BNC2: variants seen among roughly 807,000 people sequenced by gnomAD.
BNC2 encodes the protein zinc finger protein basonuclin-2.
Under a neutral mutation model 76.3 loss-of-function variants are expected in BNC2, and 20 were observed. That is an observed-to-expected ratio of 0.26 (90% CI 0.18 to 0.38). The LOEUF is 0.38. BNC2 is among the 10% of genes least tolerant of loss of function. BNC2 has a pLI of 1.00. For missense variants in BNC2, 1,382 were observed against 1,399.8 expected, an observed-to-expected ratio of 0.99 and a Z score of 0.20; for synonymous variants, 582 against 514.8, an observed-to-expected ratio of 1.13 and a Z score of -1.77.
At chr9:16,728,346 C>A in intron 2 of BNC2, 1 of 393,102 alleles carries the variant, frequency 2.5e-6, no homozygotes, top group Non-Finnish European at 4.8e-6. Flanking sequence ...TGACACCCTG[C>A]ACTAACCCCT....
chr9:16,637,868 G>T (rs558460274), intron 3 of BNC2, among the ~76,000 whole-genome samples: 1 of 152,294 alleles, frequency 6.6e-6, no homozygotes, highest in African/African-American at 2.4e-5. Context: ...TTCAAAATGC[G>T]AACAGTATTG....
intron 5 of BNC2, among the ~76,000 whole-genome samples, chr9:16,526,328 C>T (rs533184347): frequency 2.0e-5 from 3 of 152,080 alleles, no homozygotes; most frequent in Admixed American, 1.3e-4. Flanking sequence ...TAACAAAGAT[C>T]GTTTACGAGG....
intron 1 of BNC2, among the ~76,000 whole-genome samples, chr9:16,746,215 C>T (rs957727043): frequency 1.3e-5 from 2 of 152,150 alleles, no homozygotes; most frequent in African/African-American, 4.8e-5. Flanking sequence ...ACCAGATTTA[C>T]TCTTTGCGAC....
At chr9:16,819,742 C>A (rs887993932) in intron 1 of BNC2, among the ~76,000 whole-genome samples, 3 of 152,118 alleles carry the variant, frequency 2.0e-5, no homozygotes, top group African/African-American at 7.2e-5. Context: ...ATGTTTCATG[C>A]CAGTAGGTAC....
chr9:16,544,324 T>G (rs1818407989), intron 5 of BNC2, among the ~76,000 whole-genome samples: 2 of 152,152 alleles, frequency 1.3e-5, no homozygotes, highest in South Asian at 4.1e-4. Context: ...TAAAAACCTG[T>G]GAGGTCAGAT....
chr9:16,437,519 A>G lies in BNC2; in HGVS notation c.675T>C (p.Ala225=). 6.2e-7 allele frequency: 1 copy of G among 1,611,962 alleles called. No homozygotes were observed. Among genetic ancestry groups the G allele is most frequent in the Non-Finnish European group, 8.5e-7 (1 of 1,179,972 alleles). The change falls in exon 6 of 7, where the codon GCT becomes GCC. Residue 225 remains alanine, a synonymous_variant. Transcript: ENST00000380672. Reference sequence around the variant, plus strand: ...CCCAGCGGTCCAGCACCTTGCCAGCAGCATCCTAGAGGCCACATCAAAGAA... The same window carrying G: ...CCCAGCGGTCCAGCACCTTGCCAGCGGCATCCTAGAGGCCACATCAAAGAA... The part of the protein sequence containing the change: ...DYVRGYILQD[A]AGKVLDRWAI...
At chr9:16,859,442 A>C (rs957518691) in intron 1 of BNC2, among the ~76,000 whole-genome samples, 1 of 152,228 alleles carries the variant, frequency 6.6e-6, no homozygotes, top group Non-Finnish European at 1.5e-5. Flanking sequence ...TGGAAAGCAA[A>C]CTAAATGTCT....
intron 1 of BNC2, among the ~76,000 whole-genome samples, chr9:16,818,316 A>C (rs1818232576): frequency 6.6e-6 from 1 of 152,076 alleles, no homozygotes; most frequent in African/African-American, 2.4e-5. Context: ...AGGCAGGAGA[A>C]TGGCGTGAAC....
intron 1 of BNC2, among the ~76,000 whole-genome samples, chr9:16,763,683 G>A (rs1040857230): frequency 6.6e-6 from 1 of 152,164 alleles, no homozygotes; most frequent in Non-Finnish European, 1.5e-5. Context: ...CCATCATTCA[G>A]GTCTTCTCCA....
At chr9:16,693,260 T>C (rs1030120200) in intron 3 of BNC2, among the ~76,000 whole-genome samples, 3 of 152,178 alleles carry the variant, frequency 2.0e-5, no homozygotes, top group East Asian at 1.9e-4. Context: ...AGTTCTCTTA[T>C]GCTAGCAGCC....
intron 1 of BNC2, among the ~76,000 whole-genome samples, chr9:16,788,726 G>A (rs1294024031): frequency 2.0e-5 from 3 of 151,980 alleles, no homozygotes; most frequent in African/African-American, 7.3e-5. Flanking sequence ...TTTGATCCTG[G>A]CAAAGATCAG....
chr9:16,804,829 C>T (rs541224226), intron 1 of BNC2, among the ~76,000 whole-genome samples: 224 of 151,990 alleles, frequency 1.5e-3, no homozygotes, highest in Non-Finnish European at 2.3e-3. Flanking sequence ...TTTGGGAGGC[C>T]GAGGCAGGCG....
At chr9:16,845,905 T>A (rs7023455) in intron 1 of BNC2, among the ~76,000 whole-genome samples, 1 of 151,680 alleles carries the variant, frequency 6.6e-6, no homozygotes, top group East Asian at 2.0e-4. Flanking sequence ...ATCCCAGCAC[T>A]TTGGGAGGCC....
intron 1 of BNC2, among the ~76,000 whole-genome samples, chr9:16,783,015 G>T (rs1183191749): frequency 6.6e-6 from 1 of 152,128 alleles, no homozygotes; most frequent in East Asian, 1.9e-4. Flanking sequence ...TTAAGCAAAA[G>T]ACAGGTCTTA....
intron 5 of BNC2, among the ~76,000 whole-genome samples, chr9:16,546,475 C>G (rs1818485748): frequency 6.6e-6 from 1 of 152,114 alleles, no homozygotes; most frequent in Non-Finnish European, 1.5e-5. Context: ...GGTACAAAAC[C>G]TTTGTTTTTA....
At chr9:16,785,889 C>T (rs1383634402) in intron 1 of BNC2, among the ~76,000 whole-genome samples, 4 of 151,864 alleles carry the variant, frequency 2.6e-5, no homozygotes, top group Non-Finnish European at 5.9e-5. Context: ...ATTGCTGGGG[C>T]CTTTTCCCAG....
At chr9:16,496,327 G>T (rs766399823) in intron 5 of BNC2, among the ~76,000 whole-genome samples, 1 of 152,072 alleles carries the variant, frequency 6.6e-6, no homozygotes, top group Non-Finnish European at 1.5e-5. Context: ...TAAAGAATTC[G>T]GAGTCTACAT....
Position 16,426,461 on chromosome 9 carries a change from A to G in BNC2, c.2640-6812T>C, listed in dbSNP as rs563289109. 2.0e-5 allele frequency among the ~76,000 whole-genome samples: 3 copies of G among 151,958 alleles called. No individual in the cohort carries two copies. In the East Asian group the frequency reaches 5.8e-4, roughly 30 times the overall value. ...ATTACAGGTGTGAGCCACCACACCC[A>G]GCCTAAAATGGTTAATTTATGATCT... On this transcript the variant is annotated intron_variant, in intron 6 of 6. Transcript: ENST00000380672.
At chr9:16,682,259 A>G (rs1251637703) in intron 3 of BNC2, among the ~76,000 whole-genome samples, 2 of 120,542 alleles carry the variant, frequency 1.7e-5, no homozygotes, top group African/African-American at 3.9e-5. Flanking sequence ...CATGTAATAA[A>G]AAGTTTCAAG....
Sources: gnomAD v4.1 joint callset for allele counts (sites outside exome capture counted in the v4.1 genomes callset) on GRCh38, gnomAD v4.1.1 for gene constraint, MANE v1.5 for transcripts, NCBI Gene and HGNC (gene_info 2026-07-23, HGNC 2026-07-21) for gene names.